The following ATRX variants were observed in gnomAD, a reference collection of about 807,000 sequenced individuals.
ATRX encodes chromatin remodeler ATRX.
Under a neutral mutation model 172.6 loss-of-function variants are expected in ATRX, and 12 were observed. That is an observed-to-expected ratio of 0.07 (90% CI 0.04 to 0.11). ATRX has a LOEUF of 0.11. Among genes scored for constraint, ATRX ranks in the 10% least tolerant of loss-of-function variants. The probability of loss-of-function intolerance (pLI) is 1.00; values close to 1 mark genes in which losing one functional copy is unlikely to be tolerated. For missense variants in ATRX, 1,368 were observed against 1,767.4 expected, an observed-to-expected ratio of 0.77 and a Z score of 4.05; for synonymous variants, 674 against 594.7, an observed-to-expected ratio of 1.13 and a Z score of -1.94.
intron 25 of ATRX, chrX:77,596,102 A>G (rs1032741942): frequency 2.7e-5 from 3 of 112,067 alleles, no homozygotes; most frequent in Non-Finnish European, 5.6e-5. Context: ...AGCTACTACA[A>G]AAGGATTAAA....
At chrX:77,731,484 G>A (rs2074295384) in intron 1 of ATRX, among the ~76,000 whole-genome samples, 1 of 111,762 alleles carries the variant, frequency 8.9e-6, no homozygotes. Context: ...GAAACCCCAC[G>A]TTCAAGCCAA....
chrX:77,631,201 C>CAAAAAAAAAAAAAAAAAAAAAAAAAAA (rs782293888), intron 19 of ATRX, among the ~76,000 whole-genome samples: 1 of 39,077 alleles, frequency 2.6e-5, no homozygotes, highest in Non-Finnish European at 5.3e-5. Flanking sequence ...ACAATTTGAG[C>CAAAAAAAAAAAAAAAAAAAAAAAAAAA]AAAAAAAAAA....
chrX:77,560,522 TAC>T (rs2147959960), intron 28 of ATRX, among the ~76,000 whole-genome samples: 1 of 111,093 alleles, frequency 9.0e-6, no homozygotes, highest in South Asian at 3.8e-4. Context: ...GCTGGTAACT[TAC>T]AGAGTGACAA....
At chrX:77,550,564 G>A (rs1295719456) in intron 30 of ATRX, among the ~76,000 whole-genome samples, 1 of 111,497 alleles carries the variant, frequency 9.0e-6, no homozygotes, top group Non-Finnish European at 1.9e-5. Flanking sequence ...ACAAGACAGG[G>A]ATGCCCTCTC....
intron 12 of ATRX, among the ~76,000 whole-genome samples, chrX:77,659,053 GGA>G (rs1164745333): frequency 9.0e-6 from 1 of 111,485 alleles, no homozygotes; most frequent in African/African-American, 3.3e-5. Context: ...AAATGTCGGG[GGA>G]GAGGGGAACA....
chrX:77,735,496 G>A (rs2074501464), intron 1 of ATRX, among the ~76,000 whole-genome samples: 1 of 110,779 alleles, frequency 9.0e-6, no homozygotes, highest in Admixed American at 9.7e-5. Flanking sequence ...GGAGGCTGAG[G>A]CTGGAGAATG....
intron 27 of ATRX, among the ~76,000 whole-genome samples, chrX:77,576,471 A>G (rs1169404406): frequency 1.8e-5 from 2 of 111,174 alleles, no homozygotes; most frequent in African/African-American, 6.5e-5. Context: ...GAAAGCGGGG[A>G]AATGAGAAAG....
chrX:77,541,340 A>G (rs1323875566), intron 30 of ATRX, among the ~76,000 whole-genome samples: 1 of 112,074 alleles, frequency 8.9e-6, no homozygotes, highest in Non-Finnish European at 1.9e-5. Context: ...CCCACAAACA[A>G]AAGGAAGTCC....
chrX:77,556,244 AGG>A, intron 30 of ATRX, among the ~76,000 whole-genome samples: 1 of 13,949 alleles, frequency 7.2e-5, no homozygotes, highest in Non-Finnish European at 1.2e-4. Context: ...AGAGGGAGAG[AGG>A]GAGAGAGGGA....
At chrX:77,577,134 C>G (rs2065647630) in intron 27 of ATRX, among the ~76,000 whole-genome samples, 1 of 111,062 alleles carries the variant, frequency 9.0e-6, no homozygotes, top group Non-Finnish European at 1.9e-5. Context: ...GGGTATATAC[C>G]CAGAAGTAGT....
At chrX:77,540,359 A>G (rs1160746467) in intron 30 of ATRX, among the ~76,000 whole-genome samples, 1 of 111,391 alleles carries the variant, frequency 9.0e-6, no homozygotes, top group African/African-American at 3.3e-5. Flanking sequence ...CTCCCACACA[A>G]TAATAGTGGG....
chrX:77,665,165 G>A (rs2070164087), intron 10 of ATRX, among the ~76,000 whole-genome samples: 1 of 111,964 alleles, frequency 8.9e-6, no homozygotes, highest in Admixed American at 9.5e-5. Flanking sequence ...TCAGATAAAT[G>A]GCATTCCAAG....
chrX:77,698,890 A>T, intron 2 of ATRX: 1 of 393,529 alleles, frequency 2.5e-6, no homozygotes. Flanking sequence ...TAGTTTATAA[A>T]TATTGCAAGA....
intron 27 of ATRX, among the ~76,000 whole-genome samples, chrX:77,577,623 A>G (rs1439510703): frequency 9.0e-6 from 1 of 111,525 alleles, no homozygotes; most frequent in Non-Finnish European, 1.9e-5. Flanking sequence ...ACTAAAAAGA[A>G]AAAAAACTAC....
chrX:77,731,287 A>C (rs1188832788), intron 1 of ATRX, among the ~76,000 whole-genome samples: 4 of 111,898 alleles, frequency 3.6e-5, no homozygotes, highest in African/African-American at 1.3e-4. Flanking sequence ...AACCATGAAC[A>C]AATCTGCAAC....
At chrX:77,721,219 C>T (rs2073748588) in intron 1 of ATRX, among the ~76,000 whole-genome samples, 1 of 111,663 alleles carries the variant, frequency 9.0e-6, no homozygotes, top group South Asian at 3.8e-4. Flanking sequence ...CAGCCAACAT[C>T]ATACTGAATG....
intron 30 of ATRX, among the ~76,000 whole-genome samples, chrX:77,549,204 G>C (rs889392433): frequency 9.0e-6 from 1 of 111,062 alleles, no homozygotes; most frequent in Non-Finnish European, 1.9e-5. Context: ...GGCCAACATG[G>C]AGAAAGCCCA....
At chrX:77,590,061 G>A (rs2066178577) in intron 26 of ATRX, 121 bp from the exon 27 acceptor site, 3 of 605,138 alleles carry the variant, frequency 5.0e-6, no homozygotes, top group Non-Finnish European at 2.6e-6. Context: ...TTTTTTTGTA[G>A]AAATTACAAG....
intron 30 of ATRX, among the ~76,000 whole-genome samples, chrX:77,532,844 G>A (rs1175361556): frequency 6.3e-5 from 7 of 111,890 alleles, no homozygotes; most frequent in African/African-American, 1.9e-4. Context: ...ACGATCATCA[G>A]AGCGAACAGA....
Sources: gnomAD v4.1 joint callset for allele counts (sites outside exome capture counted in the v4.1 genomes callset) on GRCh38, gnomAD v4.1.1 for gene constraint, MANE v1.5 for transcripts, NCBI Gene and HGNC (gene_info 2026-07-23, HGNC 2026-07-21) for gene names.